The following CPNE4 variants were observed in gnomAD, a reference collection of about 807,000 sequenced individuals.
CPNE4 encodes copine 4.
Under a neutral mutation model 67.9 loss-of-function variants are expected in CPNE4, and 25 were observed. That is an observed-to-expected ratio of 0.37 (90% CI 0.27 to 0.51). CPNE4 has a LOEUF of 0.51. Among genes scored for constraint, CPNE4 ranks in the 20% least tolerant of loss-of-function variants. CPNE4 has a pLI of 0.93. For missense variants in CPNE4, 464 were observed against 690.8 expected (o/e 0.67, Z 3.68); for synonymous variants, 242 against 244.9 (o/e 0.99, Z 0.11).
intron 2 of CPNE4, among the ~76,000 whole-genome samples, chr3:131,792,654 TACACACGTGTATATATAC>T (rs2083772571): frequency 1.4e-5 from 1 of 69,742 alleles, no homozygotes; most frequent in African/African-American, 5.7e-5. Flanking sequence ...TATGTATATA[TACACACGTGTATATATAC>T]ATATATACAC....
chr3:131,697,372 AGGATTTACCAT>A (rs1207031910), intron 4 of CPNE4, among the ~76,000 whole-genome samples: 1 of 152,232 alleles, frequency 6.6e-6, no homozygotes, highest in African/African-American at 2.4e-5. Context: ...AAATAATGTT[AGGATTTACCAT>A]GTATTCTGTG....
intron 4 of CPNE4, among the ~76,000 whole-genome samples, chr3:131,699,055 T>C (rs536157206): frequency 6.6e-6 from 1 of 152,294 alleles, no homozygotes; most frequent in East Asian, 1.9e-4. Flanking sequence ...TTCTTTTGCT[T>C]GTCTTTTTGT....
intron 2 of CPNE4, among the ~76,000 whole-genome samples, chr3:131,899,565 T>C (rs777408868): frequency 1.2e-4 from 19 of 152,132 alleles, no homozygotes; most frequent in Admixed American, 3.9e-4. Flanking sequence ...CCAGCTTTAC[T>C]GTTTACTAAT....
At chr3:131,732,496 T>A (rs1057402185) in intron 2 of CPNE4, among the ~76,000 whole-genome samples, 2 of 152,162 alleles carry the variant, frequency 1.3e-5, no homozygotes, top group Non-Finnish European at 2.9e-5. Flanking sequence ...AGTAGGAGAC[T>A]AGAAGACAGG....
chr3:131,928,147 A>G (rs1023412359), intron 1 of CPNE4, among the ~76,000 whole-genome samples: 1 of 152,174 alleles, frequency 6.6e-6, no homozygotes, highest in African/African-American at 2.4e-5. Flanking sequence ...TCAGAGAAAC[A>G]GGAAGGATTA....
At chr3:131,556,474 T>C (rs1265278036) in intron 11 of CPNE4, among the ~76,000 whole-genome samples, 1 of 152,072 alleles carries the variant, frequency 6.6e-6, no homozygotes. Flanking sequence ...CCTTATCACA[T>C]ACAAGCGGTG....
chr3:131,969,611 C>T (rs531664969), intron 1 of CPNE4, among the ~76,000 whole-genome samples: 9 of 152,230 alleles, frequency 5.9e-5, no homozygotes, highest in Admixed American at 2.6e-4. Context: ...GTGCTCTCAA[C>T]ACAGTGGAGA....
At chr3:131,551,531 C>G (rs1166174218) in intron 13 of CPNE4, among the ~76,000 whole-genome samples, 6 of 151,906 alleles carry the variant, frequency 3.9e-5, no homozygotes, top group Non-Finnish European at 7.4e-5. Flanking sequence ...AAAGTCTAAT[C>G]CATAATAAAC....
At chr3:131,627,152 C>T (rs9784388) in intron 7 of CPNE4, among the ~76,000 whole-genome samples, 7,773 of 132,952 alleles carry the variant, frequency 0.058, 690 homozygotes, top group African/African-American at 0.23. Context: ...GAGATTGTGC[C>T]ACTGCACTCC....
At chr3:131,672,687 A>AT (rs1022434092) in intron 6 of CPNE4, among the ~76,000 whole-genome samples, 95 of 151,482 alleles carry the variant, frequency 6.3e-4, no homozygotes, top group African/African-American at 2.1e-3. Context: ...GAATTATTAG[A>AT]TTTTTTTTCT....
intron 2 of CPNE4, among the ~76,000 whole-genome samples, chr3:131,790,908 T>C (rs1187311101): frequency 1.3e-5 from 2 of 151,548 alleles, no homozygotes; most frequent in Non-Finnish European, 2.9e-5. Flanking sequence ...AATTTTATGC[T>C]TTAACATGTT....
intron 1 of CPNE4, among the ~76,000 whole-genome samples, chr3:132,000,768 A>G (rs952922166): frequency 6.6e-6 from 1 of 151,706 alleles, no homozygotes. Flanking sequence ...TTAAAGAGAC[A>G]TCAAAAAATG....
At chr3:131,822,093 C>CAAAACAG (rs2084982283) in intron 2 of CPNE4, among the ~76,000 whole-genome samples, 1 of 152,172 alleles carries the variant, frequency 6.6e-6, no homozygotes, top group Non-Finnish European at 1.5e-5. Flanking sequence ...TTGGTAAATT[C>CAAAACAG]AGTGCAACTG....
intron 4 of CPNE4, 44 bp downstream of exon 4, chr3:131,699,865 G>C (rs754592620): frequency 1.3e-6 from 2 of 1,563,746 alleles, no homozygotes; most frequent in Admixed American, 1.7e-5. Flanking sequence ...GTCCGCCCAG[G>C]CTCTCCACTC....
intron 1 of CPNE4, among the ~76,000 whole-genome samples, chr3:131,915,847 T>C (rs185545424): frequency 1.2e-4 from 19 of 152,354 alleles, no homozygotes; most frequent in Non-Finnish European, 2.4e-4. Context: ...CTTACAATTT[T>C]GACTCTAACA....
At chr3:132,033,693 C>T (rs1386188194) in intron 1 of CPNE4, among the ~76,000 whole-genome samples, 1 of 152,232 alleles carries the variant, frequency 6.6e-6, no homozygotes, top group Non-Finnish European at 1.5e-5. Flanking sequence ...GGAAATAGGG[C>T]CTTAAAGCCC....
chr3:131,799,903 CGTGTGTGTGTGTGTGTTGTGTGTGTGT>C (rs2084030409), intron 2 of CPNE4, among the ~76,000 whole-genome samples: 1 of 136,082 alleles, frequency 7.3e-6, no homozygotes, highest in South Asian at 2.6e-4. Flanking sequence ...TTTGTTGGTG[CGTGTGTGTGTGTGTGTTGTGTGTGTGT>C]GTGTGTGTGT....
At chr3:131,872,631 C>T (rs529543376) in intron 2 of CPNE4, among the ~76,000 whole-genome samples, 1 of 152,160 alleles carries the variant, frequency 6.6e-6, no homozygotes, top group East Asian at 1.9e-4. Flanking sequence ...GTGACCTAGT[C>T]AAGTTGACAC....
At chr3:131,702,929 T>C (rs1453890019) in intron 3 of CPNE4, among the ~76,000 whole-genome samples, 2 of 152,180 alleles carry the variant, frequency 1.3e-5, no homozygotes, top group African/African-American at 4.8e-5. Flanking sequence ...ACAAGTGGTG[T>C]TTTACAGCCT....
Sources: allele counts gnomAD v4.1 joint callset (sites outside exome capture counted in the v4.1 genomes callset), GRCh38; gene constraint gnomAD v4.1.1; transcripts MANE v1.5; gene names NCBI Gene and HGNC (gene_info 2026-07-23, HGNC 2026-07-21).